PRKG1: variants seen among roughly 807,000 people sequenced by gnomAD.
PRKG1 encodes the protein protein kinase cGMP-dependent 1, also known as cGMP-dependent protein kinase 1.
PRKG1 carries 35 observed loss-of-function variants against 88.1 expected under a neutral mutation model. That is an observed-to-expected ratio of 0.40 (90% confidence interval 0.30 to 0.53). The LOEUF (loss-of-function observed/expected upper bound fraction) is 0.53. PRKG1 is among the 20% of genes least tolerant of loss of function. The pLI, the probability that PRKG1 is intolerant of heterozygous loss-of-function variation, is 0.59. For synonymous variants in PRKG1, 303 were observed against 292.5 expected, an observed-to-expected ratio of 1.04 and a Z score of -0.37; for missense variants, 540 against 839.8, an observed-to-expected ratio of 0.64 and a Z score of 4.41.
At chr10:51,631,185 T>G (rs1378873176) in intron 3 of PRKG1, among the ~76,000 whole-genome samples, 1 of 152,144 alleles carries the variant, frequency 6.6e-6, no homozygotes, top group African/African-American at 2.4e-5. Context: ...ATTCTTAGAG[T>G]CTTCTGCTGT....
chr10:51,872,980 C>T (rs922002837), intron 4 of PRKG1, among the ~76,000 whole-genome samples: 7 of 151,826 alleles, frequency 4.6e-5, no homozygotes, highest in Admixed American at 2.0e-4. Flanking sequence ...GTTTGTATGA[C>T]CTCTACTTCT....
At chr10:52,070,194 A>G (rs1484495903) in intron 7 of PRKG1, among the ~76,000 whole-genome samples, 2 of 152,248 alleles carry the variant, frequency 1.3e-5, no homozygotes, top group East Asian at 1.9e-4. Context: ...TTTGCCCACT[A>G]TTGCTCCTGT....
intron 4 of PRKG1, among the ~76,000 whole-genome samples, chr10:51,805,269 A>T (rs1839275283): frequency 6.6e-6 from 1 of 152,002 alleles, no homozygotes; most frequent in South Asian, 2.1e-4. Flanking sequence ...TCTTTCGTTT[A>T]TATTATATAT....
intron 3 of PRKG1, among the ~76,000 whole-genome samples, chr10:51,692,928 A>T (rs1173828977): frequency 2.6e-5 from 4 of 152,014 alleles, no homozygotes; most frequent in Non-Finnish European, 5.9e-5. Context: ...TTTTATTTTT[A>T]AAACCCTATG....
At chr10:51,573,377 T>G (rs1177049253) in intron 3 of PRKG1, among the ~76,000 whole-genome samples, 1 of 150,568 alleles carries the variant, frequency 6.6e-6, no homozygotes, top group Non-Finnish European at 1.5e-5. Flanking sequence ...CACTAAAAGA[T>G]TACTATTATT....
At chr10:52,089,344 G>A (rs1182230732) in intron 7 of PRKG1, among the ~76,000 whole-genome samples, 3 of 152,138 alleles carry the variant, frequency 2.0e-5, no homozygotes, top group Admixed American at 6.5e-5. Flanking sequence ...ATCTAATCCT[G>A]TCTTCTTGAA....
At position 51,725,572 on chromosome 10, in the gene PRKG1, T is replaced by C. The variant is rs984627455; in HGVS notation, c.593-79013T>C. On this transcript the variant is annotated intron_variant, in intron 3 of 17. Transcript: ENST00000373980. ...TGGCACAGAAGATGGGAAGATTCGATAGAGCATGCTTATGTTGGTGGATAT... is the reference window on the plus strand; with the variant it reads ...TGGCACAGAAGATGGGAAGATTCGACAGAGCATGCTTATGTTGGTGGATAT... Among the ~76,000 whole-genome samples, 8 of 152,040 alleles carry C rather than the reference T, an allele frequency of 5.3e-5. No individual in the cohort carries two copies. The Middle Eastern group carries it at 0.021, about 391-fold the overall frequency.
chr10:51,591,180 C>G (rs1838303489), intron 3 of PRKG1, among the ~76,000 whole-genome samples: 1 of 152,062 alleles, frequency 6.6e-6, no homozygotes, highest in Admixed American at 6.6e-5. Flanking sequence ...TGTGTGCACA[C>G]ATACACGCAT....
chr10:51,085,469 C>A (rs1227122441), intron 1 of PRKG1, among the ~76,000 whole-genome samples: 1 of 152,100 alleles, frequency 6.6e-6, no homozygotes, highest in Non-Finnish European at 1.5e-5. Flanking sequence ...GTGTACACTG[C>A]ATGCACTGTT....
At chr10:52,192,638 A>G (rs1433809639) in intron 9 of PRKG1, among the ~76,000 whole-genome samples, 1 of 152,156 alleles carries the variant, frequency 6.6e-6, no homozygotes, top group African/African-American at 2.4e-5. Context: ...AAGGATAAGA[A>G]CTTTGCTTAT....
intron 2 of PRKG1, among the ~76,000 whole-genome samples, chr10:51,271,583 C>T (rs1839981927): frequency 6.6e-6 from 1 of 152,146 alleles, no homozygotes; most frequent in Admixed American, 6.5e-5. Flanking sequence ...CTTTTACTCT[C>T]ACAGAATATT....
intron 2 of PRKG1, among the ~76,000 whole-genome samples, chr10:51,216,337 A>G (rs1838370749): frequency 1.3e-5 from 2 of 152,200 alleles, no homozygotes; most frequent in African/African-American, 4.8e-5. Flanking sequence ...CTATGGACAC[A>G]TGTTATTGCT....
chr10:51,446,205 G>A (rs1839267910), intron 2 of PRKG1, among the ~76,000 whole-genome samples: 1 of 152,004 alleles, frequency 6.6e-6, no homozygotes, highest in South Asian at 2.1e-4. Flanking sequence ...TCAGTGTAAT[G>A]ACGTACATCC....
At chr10:51,450,905 G>A (rs1325433963) in intron 2 of PRKG1, among the ~76,000 whole-genome samples, 1 of 151,276 alleles carries the variant, frequency 6.6e-6, no homozygotes, top group Non-Finnish European at 1.5e-5. Flanking sequence ...AAGTCTAAGA[G>A]AATGGCAAAT....
chr10:51,198,030 C>T (rs917608098), intron 2 of PRKG1, among the ~76,000 whole-genome samples: 8 of 151,828 alleles, frequency 5.3e-5, no homozygotes, highest in African/African-American at 1.9e-4. Flanking sequence ...GGTACCCTTA[C>T]CTTCATTTCA....
chr10:52,166,318 A>T (rs940816180), intron 9 of PRKG1, among the ~76,000 whole-genome samples: 17 of 53,010 alleles, frequency 3.2e-4, no homozygotes, highest in African/African-American at 5.8e-4. Flanking sequence ...AATACCAAGG[A>T]TCATCTTACA....
At chr10:51,427,631 C>T (rs1252303564) in intron 2 of PRKG1, among the ~76,000 whole-genome samples, 1 of 152,136 alleles carries the variant, frequency 6.6e-6, no homozygotes, top group East Asian at 1.9e-4. Flanking sequence ...CTATATGGGA[C>T]CTTGTTGCAA....
chr10:51,221,178 A>G (rs944737676), intron 2 of PRKG1, among the ~76,000 whole-genome samples: 8 of 152,038 alleles, frequency 5.3e-5, no homozygotes, highest in African/African-American at 1.4e-4. Flanking sequence ...TTTTGTAAAA[A>G]TGTAAGACAT....
chr10:52,176,054 C>CA (rs1468340333), intron 9 of PRKG1, among the ~76,000 whole-genome samples: 1 of 151,570 alleles, frequency 6.6e-6, no homozygotes, highest in Non-Finnish European at 1.5e-5. Flanking sequence ...AGGCCTTATT[C>CA]AAAAAATCTT....
Sources: allele counts gnomAD v4.1 joint callset (sites outside exome capture counted in the v4.1 genomes callset), GRCh38; gene constraint gnomAD v4.1.1; transcripts MANE v1.5; gene names NCBI Gene and HGNC (gene_info 2026-07-23, HGNC 2026-07-21).